The following ARID4B variants were observed in gnomAD, a reference collection of about 807,000 sequenced individuals.
The protein encoded by ARID4B is AT-rich interactive domain-containing protein 4B.
In ARID4B, 26 loss-of-function variants were observed where a neutral mutation model predicts 147.5. The ratio of observed to expected loss-of-function variants is 0.18; its 90% CI spans 0.13 to 0.24. The LOEUF (loss-of-function observed/expected upper bound fraction) is 0.24. Among genes scored for constraint, ARID4B ranks in the 10% least tolerant of loss-of-function variants. The pLI is 1.00. For synonymous variants in ARID4B, 512 were observed against 507.9 expected, an observed-to-expected ratio of 1.01 and a Z score of -0.11; for missense variants, 1,179 against 1,511.5, an observed-to-expected ratio of 0.78 and a Z score of 3.65.
chr1:235,326,875 C>A, intron 2 of ARID4B, 39 bp downstream of exon 2: 5 of 1,612,800 alleles, frequency 3.1e-6, no homozygotes, highest in South Asian at 1.1e-5. Flanking sequence ...TTCCTGAATT[C>A]GATAACCCCA....
chr1:235,172,466 T>C (rs954458114), intron 23 of ARID4B, 152 bp downstream of exon 23: 3 of 477,918 alleles, frequency 6.3e-6, no homozygotes, highest in African/African-American at 6.1e-5. Context: ...TAATTCCAGC[T>C]ACTTAGGAAG....
intron 6 of ARID4B, among the ~76,000 whole-genome samples, chr1:235,250,878 T>TA (rs924029365): frequency 2.0e-4 from 31 of 152,092 alleles, no homozygotes; most frequent in Non-Finnish European, 4.3e-4. Flanking sequence ...TTCTCCTGGT[T>TA]AAAAAAAATA....
chr1:235,294,781 T>A (rs1672577755), intron 2 of ARID4B, among the ~76,000 whole-genome samples: 1 of 151,624 alleles, frequency 6.6e-6, no homozygotes, highest in South Asian at 2.1e-4. Flanking sequence ...CCCAAATTGC[T>A]GGGGTTACAG....
At chr1:235,207,722 A>G (rs976841458) in intron 17 of ARID4B, among the ~76,000 whole-genome samples, 29 of 152,324 alleles carry the variant, frequency 1.9e-4, no homozygotes, top group African/African-American at 6.7e-4. Context: ...ATAAAGGAAT[A>G]AAGTGTGATA....
chr1:235,298,312 C>A (rs1243979615), intron 2 of ARID4B, among the ~76,000 whole-genome samples: 1 of 151,924 alleles, frequency 6.6e-6, no homozygotes, highest in Non-Finnish European at 1.5e-5. Context: ...GTATCACCAG[C>A]ATGTTTGTTA....
At chr1:235,242,093 C>T (rs1180905318) in intron 7 of ARID4B, among the ~76,000 whole-genome samples, 2 of 151,754 alleles carry the variant, frequency 1.3e-5, no homozygotes, top group Admixed American at 6.6e-5. Flanking sequence ...ACTAAAAATA[C>T]AAAAATTAGC....
chr1:235,269,151 C>T (rs923637964), intron 2 of ARID4B, among the ~76,000 whole-genome samples: 1 of 151,936 alleles, frequency 6.6e-6, no homozygotes, highest in Non-Finnish European at 1.5e-5. Context: ...AAATGAAATC[C>T]GTGAGTCCAT....
At chr1:235,181,507 C>A (rs957369784) in intron 20 of ARID4B, 78 bp downstream of exon 20, 1 of 1,513,340 alleles carries the variant, frequency 6.6e-7, no homozygotes. Context: ...CAGGTTATAA[C>A]AAGAGATACT....
chr1:235,196,478 G>T (rs532050056), intron 17 of ARID4B, among the ~76,000 whole-genome samples: 1 of 152,156 alleles, frequency 6.6e-6, no homozygotes. Context: ...TTCTTAAGCA[G>T]CAGGTAGGCA....
chr1:235,238,366 T>C (rs765334205), intron 8 of ARID4B, among the ~76,000 whole-genome samples: 1 of 152,180 alleles, frequency 6.6e-6, no homozygotes. Flanking sequence ...GAGGAGAATT[T>C]GGCTAATTAT....
intron 19 of ARID4B, among the ~76,000 whole-genome samples, chr1:235,189,550 A>G (rs1221816702): frequency 6.6e-6 from 1 of 152,118 alleles, no homozygotes; most frequent in Non-Finnish European, 1.5e-5. Flanking sequence ...AGGTGAGCAT[A>G]TTAGAGTATA....
chr1:235,238,266 T>C (rs901015381), intron 8 of ARID4B, among the ~76,000 whole-genome samples: 1 of 152,184 alleles, frequency 6.6e-6, no homozygotes. Context: ...GAACTTGGTA[T>C]ATGATAAATG....
intron 5 of ARID4B, 50 bp from the exon 6 acceptor site, chr1:235,252,859 C>G (rs749566538): frequency 6.8e-7 from 1 of 1,480,434 alleles, no homozygotes; most frequent in Non-Finnish European, 9.3e-7. Flanking sequence ...TTTCAAAGAT[C>G]AAAGAGATGA....
chr1:235,231,144 A>C lies in ARID4B; in HGVS notation c.711T>G (p.Thr237=). ...TTAAAACAGCATCAGGCTTTGGTGC[A>C]GTGTCACTAGTAATTTCATGGACAT... ...RKDVHEITSD[T]APKPDAVLKQ... The change falls in exon 10 of 24, where the codon ACT becomes ACG. Residue 237 remains threonine, a synonymous_variant. Transcript: ENST00000264183. The C allele has an allele frequency of 6.3e-7, 1 of 1,592,972 alleles. No homozygotes were observed. The highest frequency in any genetic ancestry group is 8.5e-7 in the Non-Finnish European group (1 of 1,171,140).
intron 22 of ARID4B, among the ~76,000 whole-genome samples, chr1:235,173,417 T>C (rs913852328): frequency 1.3e-5 from 2 of 151,980 alleles, no homozygotes; most frequent in Non-Finnish European, 2.9e-5. Flanking sequence ...TTGTACACAT[T>C]TTGTGAGTAA....
chr1:235,324,068 G>C (rs983140932), intron 2 of ARID4B, among the ~76,000 whole-genome samples: 6 of 151,912 alleles, frequency 3.9e-5, no homozygotes, highest in Non-Finnish European at 7.4e-5. Flanking sequence ...ACCATGCCCA[G>C]CTAATTTTGT....
intron 13 of ARID4B, among the ~76,000 whole-genome samples, chr1:235,222,588 T>C (rs991750275): frequency 6.6e-5 from 10 of 151,708 alleles, no homozygotes; most frequent in African/African-American, 2.4e-4. Context: ...TTTCCACCAA[T>C]ATGGCTGTGC....
chr1:235,236,492 TTGTGTGTGTGTGTG>T (rs111585112), intron 8 of ARID4B, among the ~76,000 whole-genome samples: 41,005 of 147,012 alleles, frequency 0.28, 6,637 homozygotes, highest in South Asian at 0.53. Context: ...TACAAAACAG[TTGTGTGTGTGTGTG>T]TGTGTGTGTG....
chr1:235,280,969 T>C (rs1248364409), intron 2 of ARID4B, among the ~76,000 whole-genome samples: 2 of 151,812 alleles, frequency 1.3e-5, no homozygotes, highest in Non-Finnish European at 2.9e-5. Context: ...AAAAGAGTCC[T>C]GAGTAACTTC....
Sources: gnomAD v4.1 joint callset for allele counts (sites outside exome capture counted in the v4.1 genomes callset) on GRCh38, gnomAD v4.1.1 for gene constraint, MANE v1.5 for transcripts, NCBI Gene and HGNC (gene_info 2026-07-23, HGNC 2026-07-21) for gene names.